IFI16: variants seen among roughly 807,000 people sequenced by gnomAD.
IFI16 encodes the protein interferon gamma inducible protein 16, also known as gamma-interferon-inducible protein 16.
A neutral mutation model predicts 68.4 loss-of-function variants in IFI16; 49 were observed. The observed-to-expected ratio is 0.72, with a 90% confidence interval of 0.57 to 0.91. The LOEUF is 0.91. Among genes scored for constraint, IFI16 ranks in the 40% least tolerant of loss-of-function variants. IFI16 has a pLI of 0.00. For missense variants in IFI16, 878 were observed against 942.9 expected (o/e 0.93, Z 0.90); for synonymous variants, 307 against 315.0 (o/e 0.97, Z 0.27).
chr1:159,004,712 A>T (rs529595942), upstream of IFI16, among the ~76,000 whole-genome samples: 1 of 152,272 alleles, frequency 6.6e-6, no homozygotes, highest in African/African-American at 2.4e-5. Flanking sequence ...AATTCCCAAA[A>T]CCAGATGTTT....
chr1:159,024,872 C>G (rs1034478229), intron 6 of IFI16, among the ~76,000 whole-genome samples: 2 of 152,062 alleles, frequency 1.3e-5, no homozygotes, highest in East Asian at 3.9e-4. Flanking sequence ...GTACAGTAAC[C>G]CATAATTCTA....
chr1:159,009,869 A>C (rs1260386274), upstream of IFI16: 12 of 152,270 alleles, frequency 7.9e-5, no homozygotes, highest in African/African-American at 2.9e-4. Context: ...AAAGCTAAAA[A>C]CACTGGTGGG....
upstream of IFI16, among the ~76,000 whole-genome samples, chr1:159,005,204 T>C (rs1284890370): frequency 6.6e-6 from 1 of 152,210 alleles, no homozygotes; most frequent in Non-Finnish European, 1.5e-5. Flanking sequence ...CTGTGAGAAA[T>C]ACATTTCTGT....
At chr1:159,009,642 A>G (rs923596252), upstream of IFI16, among the ~76,000 whole-genome samples, 1 of 152,232 alleles carries the variant, frequency 6.6e-6, no homozygotes, top group Non-Finnish European at 1.5e-5. Context: ...TTTGTAAGAA[A>G]AAAAACTTAT....
chr1:159,020,705 A>T (rs1653257219), intron 6 of IFI16, among the ~76,000 whole-genome samples, 176 bp downstream of exon 6: 1 of 151,724 alleles, frequency 6.6e-6, no homozygotes, highest in South Asian at 2.1e-4. Flanking sequence ...GGATGGAATG[A>T]TGTGATAGGA....
At chr1:159,041,525 A>G (rs1328552858) in intron 7 of IFI16, among the ~76,000 whole-genome samples, 2 of 152,184 alleles carry the variant, frequency 1.3e-5, no homozygotes, top group Admixed American at 6.5e-5. Flanking sequence ...ATTTGATGAG[A>G]CAGGTTTACT....
chr1:159,013,874 C>T (rs1406995246), intron 1 of IFI16, among the ~76,000 whole-genome samples: 1 of 151,870 alleles, frequency 6.6e-6, no homozygotes, highest in Admixed American at 6.6e-5. Context: ...GTATAGGAAG[C>T]AAGGAATTTT....
intron 1 of IFI16, chr1:159,000,483 A>G (rs1036053117): frequency 2.0e-5 from 3 of 153,214 alleles, no homozygotes; most frequent in African/African-American, 7.2e-5. Flanking sequence ...ATAACTTTTT[A>G]AGCAAGATAG....
intron 7 of IFI16, among the ~76,000 whole-genome samples, chr1:159,042,239 G>A (rs1300270526): frequency 6.6e-6 from 1 of 151,998 alleles, no homozygotes; most frequent in East Asian, 1.9e-4. Context: ...TGTGTGATAT[G>A]GATTATTCCT....
At chr1:159,016,730 GT>G in intron 4 of IFI16, 30 bp downstream of exon 4, 2 of 1,583,898 alleles carry the variant, frequency 1.3e-6, no homozygotes, top group East Asian at 2.3e-5. Flanking sequence ...ATTTTGCTTT[GT>G]TTTTTTCAAC....
In IFI16 at chr1:159,024,534, T is replaced by C. The variant is rs900135075; in HGVS notation, c.1161+4005T>C. 7.2e-5 allele frequency among the ~76,000 whole-genome samples: 11 copies of C among 152,162 alleles called. No individual in the cohort carries two copies. The South Asian group carries it at 1.4e-3, about 20-fold the overall frequency. On this transcript the variant is annotated intron_variant, in intron 6 of 11. Transcript: ENST00000295809. ...GAAGTCTAACTTTGCTCTTGAGTAG[T>C]TTAAAGGATGTAGTCCCATTTACTA... is the stretch of plus-strand genomic sequence containing the variant.
intron 1 of IFI16, among the ~76,000 whole-genome samples, chr1:159,013,446 G>T (rs1160528913): frequency 2.6e-5 from 4 of 152,060 alleles, no homozygotes; most frequent in Non-Finnish European, 4.4e-5. Context: ...GGAATTACAG[G>T]CGTGAGCCAC....
upstream of IFI16, among the ~76,000 whole-genome samples, chr1:159,007,196 T>C (rs1652292265): frequency 6.6e-6 from 1 of 152,144 alleles, no homozygotes; most frequent in African/African-American, 2.4e-5. Context: ...GAGAGACAAA[T>C]GTTAGTATTC....
chr1:159,051,631 G>A (rs1241206256), intron 9 of IFI16, 48 bp from the exon 10 acceptor site: 2 of 1,477,862 alleles, frequency 1.4e-6, no homozygotes, highest in Admixed American at 3.7e-5. Context: ...GAATGACCCT[G>A]TTTTTCCTGT....
At chr1:159,049,401 A>G in intron 8 of IFI16, 31 bp from the exon 9 acceptor site, 1 of 1,079,246 alleles carries the variant, frequency 9.3e-7, no homozygotes, top group Admixed American at 2.7e-5. Context: ...CATTAACTAG[A>G]AAAAAAGAAC....
At position 159,020,346 on chromosome 1, in the gene IFI16, A is replaced by G. The variant is rs1322238123; in HGVS notation, c.978A>G (p.Thr326=). 1 of 1,600,954 alleles carries G rather than the reference A, an allele frequency of 6.2e-7. No homozygotes were observed. The highest frequency in any genetic ancestry group is 1.4e-5 in the African/African-American group (1 of 74,030). Residue 326 remains threonine, a synonymous_variant, in exon 6 of 12, where the codon ACA becomes ACG. Transcript: ENST00000295809. ...ATATTAATTTTCTGTTACAGAAAAC[A>G]GTAAATCAGAAGACCACAATCTACG... ...VYGVFMLHKK[T]VNQKTTIYEI...
intron 7 of IFI16, among the ~76,000 whole-genome samples, chr1:159,036,979 TCTAAGAGTTTTATATGTCGTATAGAG>T (rs1322971396): frequency 6.6e-6 from 1 of 152,206 alleles, no homozygotes; most frequent in Non-Finnish European, 1.5e-5. Flanking sequence ...TTCTATACTT[TCTAAGAGTTTTATATGTCGTATAGAG>T]CTACCTATCA....
At chr1:159,048,933 G>A (rs1395751680) in intron 8 of IFI16, among the ~76,000 whole-genome samples, 1 of 151,446 alleles carries the variant, frequency 6.6e-6, no homozygotes, top group African/African-American at 2.4e-5. Flanking sequence ...CCTTCCCTGA[G>A]GAATTGTGAA....
intron 10 of IFI16, 199 bp downstream of exon 10, chr1:159,052,297 G>C (rs1056493587): frequency 7.1e-6 from 4 of 565,172 alleles, no homozygotes; most frequent in African/African-American, 3.8e-5. Flanking sequence ...TCTTCTTAAG[G>C]TATCATCATG....
Sources: gnomAD v4.1 joint callset for allele counts (sites outside exome capture counted in the v4.1 genomes callset) on GRCh38, gnomAD v4.1.1 for gene constraint, MANE v1.5 for transcripts, NCBI Gene and HGNC (gene_info 2026-07-23, HGNC 2026-07-21) for gene names.